The following TENM2 variants were observed in gnomAD, a reference collection of about 807,000 sequenced individuals.
TENM2 encodes teneurin-2.
In TENM2, 52 loss-of-function variants were observed where a neutral mutation model predicts 245.2. The ratio of observed to expected loss-of-function variants is 0.21; its 90% CI spans 0.17 to 0.27. TENM2 has a LOEUF of 0.27. TENM2 is among the 10% of genes least tolerant of loss of function. The pLI is 1.00. For synonymous variants in TENM2, 1,363 were observed against 1,438.9 expected (o/e 0.95, Z 1.19); for missense variants, 3,046 against 3,666.8 (o/e 0.83, Z 4.37).
In TENM2 at chr5:168,171,367, A is replaced by G. The variant is rs566498601; in HGVS notation, c.2569+8610A>G. 3.9e-4 allele frequency among the ~76,000 whole-genome samples: 60 copies of G among 152,346 alleles called. 3 individuals carry two copies. In the South Asian group the frequency reaches 0.012, roughly 30 times the overall value. ...CTCAGAATAGCCCTTTCAGCTAACCACCATGATATATGGCTTTTCTCCTTT... is the reference window on the plus strand; with the variant it reads ...CTCAGAATAGCCCTTTCAGCTAACCGCCATGATATATGGCTTTTCTCCTTT... On this transcript the variant is annotated intron_variant, in intron 13 of 28. Coordinates refer to ENST00000518659, the Ensembl canonical transcript of TENM2.
At chr5:166,998,965 G>A in the TENM2 span, among the ~76,000 whole-genome samples, 1 of 151,382 alleles carries the variant, frequency 6.6e-6, no homozygotes, top group Non-Finnish European at 1.5e-5. Context: ...GTTAGTTAAT[G>A]AGCTGTGAGA....
upstream of TENM2, among the ~76,000 whole-genome samples, chr5:167,283,456 A>T (rs924078965): frequency 4.0e-5 from 6 of 150,224 alleles, no homozygotes; most frequent in African/African-American, 1.5e-4. Context: ...ATCTAGAAGA[A>T]CTCCTGGTGT....
At chr5:167,739,538 G>C (rs1055706734) in intron 2 of TENM2, among the ~76,000 whole-genome samples, 1 of 152,096 alleles carries the variant, frequency 6.6e-6, no homozygotes, top group African/African-American at 2.4e-5. Context: ...TGGGAAAAAA[G>C]CCAGCAAATG....
At chr5:168,134,396 G>A (rs1754860028) in intron 12 of TENM2, among the ~76,000 whole-genome samples, 1 of 152,058 alleles carries the variant, frequency 6.6e-6, no homozygotes, top group Non-Finnish European at 1.5e-5. Context: ...CACCAATGCA[G>A]GACAAATTGC....
At chr5:167,624,142 A>G (rs1042961980) in intron 2 of TENM2, among the ~76,000 whole-genome samples, 7 of 152,210 alleles carry the variant, frequency 4.6e-5, no homozygotes, top group Non-Finnish European at 7.3e-5. Context: ...TTGCAGTAAT[A>G]CAATAGCAAA....
chr5:167,944,720 T>C (rs910078008), intron 3 of TENM2, among the ~76,000 whole-genome samples: 4 of 152,170 alleles, frequency 2.6e-5, no homozygotes, highest in African/African-American at 9.7e-5. Context: ...GTTGTATCCT[T>C]TGAGGGTGAT....
chr5:168,234,789 TTTA>T (rs1393209570), intron 25 of TENM2, among the ~76,000 whole-genome samples: 1 of 152,176 alleles, frequency 6.6e-6, no homozygotes, highest in Non-Finnish European at 1.5e-5. Context: ...CTGATTGTGA[TTTA>T]CATAGAGATT....
upstream of TENM2, among the ~76,000 whole-genome samples, chr5:167,279,873 C>A (rs1006412283): frequency 6.6e-6 from 1 of 152,276 alleles, no homozygotes; most frequent in Non-Finnish European, 1.5e-5. Context: ...ATAATGCTGA[C>A]ATCTTTGTCA....
At chr5:167,645,696 A>G (rs2150265887) in intron 2 of TENM2, among the ~76,000 whole-genome samples, 1 of 152,184 alleles carries the variant, frequency 6.6e-6, no homozygotes, top group East Asian at 1.9e-4. Flanking sequence ...CCAGTAAATA[A>G]GAGTTTCACA....
At chr5:168,050,819 T>G (rs567898851) in intron 6 of TENM2, among the ~76,000 whole-genome samples, 88 of 152,340 alleles carry the variant, frequency 5.8e-4, no homozygotes, top group Middle Eastern at 3.4e-3. Flanking sequence ...GTTTTCCATT[T>G]GTTGTTGTTC....
chr5:168,180,667 G>A (rs1398248547), intron 13 of TENM2, among the ~76,000 whole-genome samples: 4 of 152,132 alleles, frequency 2.6e-5, no homozygotes, highest in African/African-American at 4.8e-5. Context: ...AGGCCAAGGC[G>A]GGTGAATCAC....
the TENM2 span, among the ~76,000 whole-genome samples, chr5:167,229,659 C>G: frequency 2.6e-5 from 4 of 152,148 alleles, no homozygotes; most frequent in East Asian, 7.7e-4. Flanking sequence ...TGCGGGTAGA[C>G]TGGGCTCAGC....
chr5:167,445,369 A>AGAGAGAGAGTGAGT (rs35699708), intron 2 of TENM2, among the ~76,000 whole-genome samples: 176 of 98,582 alleles, frequency 1.8e-3, no homozygotes, highest in African/African-American at 7.4e-3. Context: ...AGAGAGAGAG[A>AGAGAGAGAGTGAGT]GTGTCAGGTG....
the TENM2 span, among the ~76,000 whole-genome samples, chr5:167,200,352 T>A: frequency 0.037 from 5,554 of 152,118 alleles, 344 homozygotes; most frequent in African/African-American, 0.13. Flanking sequence ...CCTTTGCTTT[T>A]CACTTAGCTC....
intron 7 of TENM2, among the ~76,000 whole-genome samples, chr5:168,063,436 A>T (rs975085061): frequency 6.6e-6 from 1 of 152,166 alleles, no homozygotes; most frequent in Non-Finnish European, 1.5e-5. Context: ...TCCAATAAGA[A>T]TTGTATATCC....
At chr5:167,050,706 C>G in the TENM2 span, among the ~76,000 whole-genome samples, 1 of 152,134 alleles carries the variant, frequency 6.6e-6, no homozygotes, top group East Asian at 1.9e-4. Flanking sequence ...GCAAAGATTC[C>G]TCTCTCCGTC....
intron 4 of TENM2, among the ~76,000 whole-genome samples, chr5:167,970,360 C>A (rs1781686712): frequency 6.6e-6 from 1 of 152,176 alleles, no homozygotes; most frequent in Non-Finnish European, 1.5e-5. Context: ...TTCTTTCCTG[C>A]AAAAGTGCTT....
At chr5:168,149,227 C>T (rs1166368531) in intron 12 of TENM2, among the ~76,000 whole-genome samples, 1 of 152,140 alleles carries the variant, frequency 6.6e-6, no homozygotes, top group Non-Finnish European at 1.5e-5. Flanking sequence ...GTTCTCTCCG[C>T]GTCTCCACTC....
chr5:167,445,336 T>TAGAGAGAGAGAGAG (rs1554154174), intron 2 of TENM2, among the ~76,000 whole-genome samples: 289 of 77,236 alleles, frequency 3.7e-3, no homozygotes, highest in Non-Finnish European at 5.4e-3. Flanking sequence ...TATATATATA[T>TAGAGAGAGAGAGAG]AGAGAGAGAG....
Sources: allele counts gnomAD v4.1 joint callset (sites outside exome capture counted in the v4.1 genomes callset), GRCh38; gene constraint gnomAD v4.1.1; transcripts MANE v1.5; gene names NCBI Gene and HGNC (gene_info 2026-07-23, HGNC 2026-07-21).